Variants in PHRF1 observed in about 807,000 individuals in gnomAD.
The protein encoded by PHRF1 is PHD and ring finger domains 1.
In PHRF1, 53 loss-of-function variants were observed where a neutral mutation model predicts 128.9. The observed-to-expected ratio is 0.41, with a 90% confidence interval of 0.33 to 0.52. The LOEUF is 0.52. PHRF1 is among the 20% of genes least tolerant of loss of function. The pLI is 0.21. For missense variants in PHRF1, 2,503 were observed against 2,284.5 expected, an observed-to-expected ratio of 1.10 and a Z score of -1.95; for synonymous variants, 1,178 against 980.6, an observed-to-expected ratio of 1.20 and a Z score of -3.76.
At chr11:585,991 A>T (rs1854533574) in intron 3 of PHRF1, among the ~76,000 whole-genome samples, 1 of 152,046 alleles carries the variant, frequency 6.6e-6, no homozygotes, top group Admixed American at 6.6e-5. Flanking sequence ...CCTCCCAAGT[A>T]GCTGGGATTA....
intron 3 of PHRF1, among the ~76,000 whole-genome samples, chr11:586,284 C>T (rs902765591): frequency 6.6e-6 from 1 of 152,248 alleles, no homozygotes; most frequent in Admixed American, 6.5e-5. Flanking sequence ...TGAGCCACCA[C>T]GCCCGGCCAG....
At chr11:601,500 T>C in intron 9 of PHRF1, 74 bp from the exon 10 acceptor site, 1 of 1,586,238 alleles carries the variant, frequency 6.3e-7, no homozygotes, top group Non-Finnish European at 8.6e-7. Context: ...CTCCGTCCAC[T>C]GGGCTGGACT....
At chr11:582,532 T>C (rs1381370739) in intron 3 of PHRF1, among the ~76,000 whole-genome samples, 2 of 151,868 alleles carry the variant, frequency 1.3e-5, no homozygotes, top group Non-Finnish European at 2.9e-5. Context: ...GTCCTCCTTT[T>C]TTTTCTTTTT....
intron 3 of PHRF1, among the ~76,000 whole-genome samples, chr11:584,080 G>A (rs983910693): frequency 2.6e-5 from 4 of 152,232 alleles, no homozygotes; most frequent in African/African-American, 9.6e-5. Flanking sequence ...TAAGGGAATG[G>A]CACTCATGGC....
intron 17 of PHRF1, 61 bp from the exon 18 acceptor site, chr11:611,573 G>A: frequency 6.2e-7 from 1 of 1,607,468 alleles, no homozygotes; most frequent in Admixed American, 1.7e-5. Context: ...TTTGGCCCTG[G>A]GCTCTGGCCC....
intron 4 of PHRF1, among the ~76,000 whole-genome samples, chr11:589,133 TC>T (rs1854768930): frequency 6.8e-6 from 1 of 146,358 alleles, no homozygotes; most frequent in Admixed American, 6.8e-5. Flanking sequence ...AGACACTGTC[TC>T]AAAAAAAAAA....
intron 10 of PHRF1, among the ~76,000 whole-genome samples, chr11:603,049 C>T (rs576755633): frequency 4.0e-5 from 6 of 151,744 alleles, no homozygotes; most frequent in Middle Eastern, 3.4e-3. Context: ...AGTGAGCCAC[C>T]GTGCCCAGCC....
At chr11:577,644 C>T (rs932613534) in intron 1 of PHRF1, among the ~76,000 whole-genome samples, 7 of 152,220 alleles carry the variant, frequency 4.6e-5, no homozygotes, top group South Asian at 2.1e-4. Context: ...ACTTCCATTG[C>T]AGTTGACAAT....
rs182484268 is a variant in PHRF1 at position 580,813 on chromosome 11, C to G, written c.-21-679C>G. On this transcript the variant is annotated intron_variant, in intron 1 of 17. Coordinates refer to ENST00000264555, the MANE Select transcript of PHRF1 (RefSeq NM_001286581.2). ...AAGCGATTCTCCTGCCTCAGCTTCC[C>G]GAGTAGCTGGGATTACAGGCGCCCG... 3.2e-3 allele frequency among the ~76,000 whole-genome samples: 490 copies of G among 152,254 alleles called. 2 individuals are homozygous for G. Among genetic ancestry groups the G allele is most frequent in the Middle Eastern group, 0.01 (3 of 294 alleles).
At chr11:604,814 TGTCA>T (rs761834616) in intron 10 of PHRF1, among the ~76,000 whole-genome samples, 18 of 152,348 alleles carry the variant, frequency 1.2e-4, no homozygotes, top group Admixed American at 2.6e-4. Flanking sequence ...GGGGTTTTAC[TGTCA>T]GTCATCAGTT....
At chr11:584,215 G>A (rs1411328989) in intron 3 of PHRF1, among the ~76,000 whole-genome samples, 2 of 152,184 alleles carry the variant, frequency 1.3e-5, no homozygotes, top group Non-Finnish European at 2.9e-5. Flanking sequence ...CATCAGGTTA[G>A]GGCTCTGGTT....
At chr11:606,350 C>T (rs985111308) in intron 12 of PHRF1, 92 bp from the exon 13 acceptor site, 3 of 1,432,070 alleles carry the variant, frequency 2.1e-6, no homozygotes, top group Non-Finnish European at 1.8e-6. Flanking sequence ...CCCCACTCTC[C>T]CTGGCTCCCG....
At position 598,392 on chromosome 11, in the gene PHRF1, G is replaced by A. The variant is rs1193768630; in HGVS notation, c.914G>A (p.Gly305Glu). ...CTGTAGCACACACCAGGGCGCCTCGGGTCTTCCCTGCTGGATGAAGCCATC... is the reference window on the plus strand; with the variant it reads ...CTGTAGCACACACCAGGGCGCCTCGAGTCTTCCCTGCTGGATGAAGCCATC... ...RRVQHTPGRL[G>E]SSLLDEAIEA... The change falls in exon 9 of 18, where the codon GGG becomes GAG. Residue 305 changes from glycine to glutamate, a missense_variant. Gly to Glu is a moderately conservative substitution (Grantham distance 98). Coordinates refer to ENST00000264555, the MANE Select transcript of PHRF1 (RefSeq NM_001286581.2). 6.2e-7 allele frequency: 1 copy of A among 1,610,244 alleles called. No individual in the cohort carries two copies. Among genetic ancestry groups the A allele is most frequent in the Non-Finnish European group, 8.5e-7 (1 of 1,179,792 alleles).
chr11:606,318 G>T, intron 12 of PHRF1, 124 bp from the exon 13 acceptor site: 1 of 1,261,480 alleles, frequency 7.9e-7, no homozygotes, highest in Non-Finnish European at 1.1e-6. Context: ...AGGGCTGTGG[G>T]GGAGGCGCAG....
At position 576,586 on chromosome 11, in the gene PHRF1, T is replaced by C. The variant is rs1052004374; in HGVS notation, c.-28T>C. The C allele has an allele frequency of 1.3e-5, 2 of 150,208 alleles. No individual in the cohort carries two copies. Among genetic ancestry groups the C allele is most frequent in the Non-Finnish European group, 3.0e-5 (2 of 67,380 alleles). The allele number at this position is 150,208 out of a possible 1,614,324, so 9.3% of individuals were successfully genotyped here. A position where few individuals can be genotyped will look rare whatever the true frequency, so the allele number is the denominator to read the frequency against. ...TCGCGAGCGGCTGCGGGACGCGAGGTTTCCGGGTAAGTGCGGCGGCCGCGC... is the reference window on the plus strand; with the variant it reads ...TCGCGAGCGGCTGCGGGACGCGAGGCTTCCGGGTAAGTGCGGCGGCCGCGC... On this transcript the variant is annotated 5_prime_UTR_variant, in exon 1 of 18. Coordinates refer to ENST00000264555, the MANE Select transcript of PHRF1 (RefSeq NM_001286581.2).
rs748153685 is a variant in PHRF1, at chr11:608,125, C to T, written c.2669C>T (p.Thr890Ile). 2 of 1,611,684 alleles carry T rather than the reference C, an allele frequency of 1.2e-6. No homozygotes were observed. The highest frequency in any genetic ancestry group is 1.7e-6 in the Non-Finnish European group (2 of 1,179,858). ...TACACGGTGGAGAGCATCTTTGGTA[C>T]AGAGCCCGAACCCCCTCTCGGACCG... ...TSYTVESIFG[T>I]EPEPPLGPSS... The change falls in exon 14 of 18, where the codon ACA (threonine) becomes ATA (isoleucine). Residue 890 changes from threonine to isoleucine, a missense_variant. By Grantham distance (89) the Thr-to-Ile change is moderately conservative (BLOSUM62 -1). Coordinates refer to ENST00000264555, the MANE Select transcript of PHRF1 (RefSeq NM_001286581.2).
At position 603,192 on chromosome 11, in the gene PHRF1, A is replaced by G. The variant is rs1855740693; in HGVS notation, c.1152+1491A>G. On this transcript the variant is annotated intron_variant, in intron 10 of 17. Coordinates refer to ENST00000264555, the MANE Select transcript of PHRF1 (RefSeq NM_001286581.2). ...CACCTCAGCTTCCTGAGTAGCTGGG[A>G]CTACAGGCATAGCCCACCGTGCCCG... Among the ~76,000 whole-genome samples, 3 of 151,990 alleles carry G rather than the reference A, an allele frequency of 2.0e-5. No homozygotes were observed. The South Asian group carries it at 6.2e-4, about 32-fold the overall frequency.
At chr11:601,542 G>C in intron 9 of PHRF1, 32 bp from the exon 10 acceptor site, 1 of 1,613,084 alleles carries the variant, frequency 6.2e-7, no homozygotes, top group East Asian at 2.2e-5. Context: ...GCCCAGCACA[G>C]AGAAGCACAG....
Position 607,483 on chromosome 11 carries a change from T to C in PHRF1, c.2027T>C (p.Ile676Thr). 1 of 1,612,804 alleles carries C rather than the reference T, an allele frequency of 6.2e-7. No homozygotes were observed. The change falls in exon 14 of 18, where the codon ATC becomes ACC. Residue 676 changes from isoleucine to threonine, a missense_variant. Ile to Thr is a moderately conservative substitution (Grantham distance 89, BLOSUM62 -1). Transcript: ENST00000264555. ...AAGCCAGCGCCCAGAAGAACAGACA[T>C]CTCTGAGCTACCCAGGATACCAAAG... ...PLKPAPRRTD[I>T]SELPRIPKIR...
Sources: gnomAD v4.1 joint callset for allele counts (sites outside exome capture counted in the v4.1 genomes callset) on GRCh38, gnomAD v4.1.1 for gene constraint, MANE v1.5 for transcripts, NCBI Gene and HGNC (gene_info 2026-07-23, HGNC 2026-07-21) for gene names.